The following MTA1 variants were observed in gnomAD, a reference collection of about 807,000 sequenced individuals.
MTA1 encodes the protein metastasis-associated protein MTA1.
Under a neutral mutation model 97.0 loss-of-function variants are expected in MTA1, and 15 were observed. The ratio of observed to expected loss-of-function variants is 0.15; its 90% CI spans 0.10 to 0.24. The LOEUF is 0.24. MTA1 is among the 10% of genes least tolerant of loss of function. The pLI is 1.00. For missense variants in MTA1, 709 were observed against 1,015.1 expected (o/e 0.70, Z 4.10); for synonymous variants, 435 against 417.5 (o/e 1.04, Z -0.51).
At chr14:105,448,339 T>C (rs587654027) in intron 3 of MTA1, among the ~76,000 whole-genome samples, 1 of 152,204 alleles carries the variant, frequency 6.6e-6, no homozygotes, top group South Asian at 2.1e-4. Flanking sequence ...CTCGCCCGCA[T>C]CTCCGACAGG....
chr14:105,468,073 G>T (rs1254137522), intron 18 of MTA1: 3 of 352,774 alleles, frequency 8.5e-6, no homozygotes, highest in Non-Finnish European at 1.7e-5. Context: ...GGACCTGGGC[G>T]CTGGAGAGGG....
chr14:105,438,844 C>A, intron 2 of MTA1, 105 bp downstream of exon 2: 3 of 1,156,716 alleles, frequency 2.6e-6, no homozygotes, highest in South Asian at 1.3e-5. Flanking sequence ...CGGGGCTGAT[C>A]TTGGACTGGC....
chr14:105,429,080 A>G (rs1555422828), intron 1 of MTA1, among the ~76,000 whole-genome samples: 2 of 152,130 alleles, frequency 1.3e-5, no homozygotes. Context: ...TCATGGGCCA[A>G]CTTCTGCTAG....
intron 7 of MTA1, among the ~76,000 whole-genome samples, chr14:105,457,056 G>A (rs1344068472): frequency 2.0e-5 from 3 of 152,226 alleles, no homozygotes; most frequent in Admixed American, 6.5e-5. Flanking sequence ...ACCTGCAGCC[G>A]GGCGCCCCAG....
intron 18 of MTA1, chr14:105,469,164 A>C (rs764861208): frequency 3.3e-6 from 2 of 602,946 alleles, no homozygotes; most frequent in Non-Finnish European, 6.2e-6. Context: ...ACGGCAGGCA[A>C]GTGGGTGGAC....
In MTA1 at chr14:105,469,949, G is replaced by A; in HGVS notation, c.1954G>A (p.Asp652Asn). The change falls in exon 20 of 21, where the codon GAC becomes AAC. Residue 652 changes from aspartate (D) to asparagine (N), a missense_variant. By Grantham distance (23) the Asp-to-Asn change is conservative. Around this residue, in one of 2 missense-constraint regions of MTA1, gnomAD observed 388 missense variants for 421.6 expected, o/e 0.92. Coordinates refer to ENST00000331320, the MANE Select transcript of MTA1 (RefSeq NM_004689.4). ...CAAGCGGCGGCGGATGAACTGGATC[G>A]ACGCCCCGGATGACGTGTTCTACAT... ...PVKRRRMNWI[D>N]APDDVFYMAT... 3 of 1,612,422 alleles carry A rather than the reference G, an allele frequency of 1.9e-6. No homozygotes were observed. The highest frequency in any genetic ancestry group is 2.5e-6 in the Non-Finnish European group (3 of 1,179,798).
At chr14:105,421,227 C>T (rs1555420837) in intron 1 of MTA1, among the ~76,000 whole-genome samples, 1 of 152,184 alleles carries the variant, frequency 6.6e-6, no homozygotes, top group Non-Finnish European at 1.5e-5. Context: ...CCAGCGGCAG[C>T]CCCTCCCACA....
At chr14:105,447,958 T>C (rs1251407677) in intron 3 of MTA1, among the ~76,000 whole-genome samples, 1 of 152,118 alleles carries the variant, frequency 6.6e-6, no homozygotes, top group Non-Finnish European at 1.5e-5. Context: ...CGTCACTGCC[T>C]CCACCCAGCC....
Position 105,460,749 on chromosome 14 carries a change from C to G in MTA1, c.754-16C>G. ...AGCCACCTTGGCCCGGGTGACCCTG[C>G]TGTCTCCTGCCGCAGTTCCACGCCA... On this transcript the variant is annotated splice_polypyrimidine_tract_variant and intron_variant, in intron 9 of 20. Transcript: ENST00000331320. 1.3e-6 allele frequency: 2 copies of G among 1,556,654 alleles called. No individual in the cohort carries two copies. The highest frequency in any genetic ancestry group is 2.3e-5 in the East Asian group (1 of 44,010).
chr14:105,454,499 C>G (rs1047799652), intron 7 of MTA1, 189 bp downstream of exon 7: 2 of 525,148 alleles, frequency 3.8e-6, no homozygotes, highest in Non-Finnish European at 7.1e-6. Context: ...CCTTCCCCCA[C>G]CCACTCCTGG....
chr14:105,430,136 G>A (rs1220426464), intron 1 of MTA1, among the ~76,000 whole-genome samples: 7 of 152,148 alleles, frequency 4.6e-5, no homozygotes, highest in South Asian at 2.1e-4. Flanking sequence ...CAGGCTTTCC[G>A]TTAGGGTATC....
At chr14:105,439,028 G>A (rs2082415682) in intron 2 of MTA1, among the ~76,000 whole-genome samples, 1 of 152,286 alleles carries the variant, frequency 6.6e-6, no homozygotes, top group South Asian at 2.1e-4. Flanking sequence ...AGATGCCAGT[G>A]TCCCCTGGGG....
intron 8 of MTA1, among the ~76,000 whole-genome samples, chr14:105,458,893 C>T (rs983902052): frequency 3.9e-5 from 6 of 152,208 alleles, no homozygotes; most frequent in African/African-American, 1.4e-4. Context: ...GTGCCGGGCC[C>T]TACTCCGCAG....
Position 105,464,269 on chromosome 14 carries a change from C to T in MTA1, c.1192+122C>T, listed in dbSNP as rs587737145. On this transcript the variant is annotated intron_variant, in intron 13 of 20. Transcript: ENST00000331320. ...AGGGGCCCACTGACGATGGGGGCTG[C>T]GTCCCAGGGGTGTGGTTGGGAGAGC... The T allele has an allele frequency of 1.0e-3, 1,359 of 1,324,504 alleles. 3 individuals are homozygous for T. The highest frequency in any genetic ancestry group is 1.3e-3 in the Non-Finnish European group (1,276 of 980,068). The allele number at this position is 1,324,504 out of a possible 1,614,324, so 82.0% of individuals were successfully genotyped here. A position where few individuals can be genotyped will look rare whatever the true frequency, so the allele number is the denominator to read the frequency against.
intron 7 of MTA1, among the ~76,000 whole-genome samples, chr14:105,456,197 G>A (rs2141621596): frequency 6.6e-6 from 1 of 152,376 alleles, no homozygotes; most frequent in African/African-American, 2.4e-5. Context: ...GCACCCAGGT[G>A]GAAAGGCAGA....
chr14:105,448,417 G>T (rs2082793288), intron 3 of MTA1, among the ~76,000 whole-genome samples: 4 of 152,180 alleles, frequency 2.6e-5, no homozygotes, highest in Admixed American at 2.6e-4. Context: ...GCCGCTGTGG[G>T]CTCCTGTCCA....
At chr14:105,457,952 TATAA>T (rs1286997609) in intron 7 of MTA1, among the ~76,000 whole-genome samples, 5 of 150,862 alleles carry the variant, frequency 3.3e-5, no homozygotes, top group Admixed American at 1.3e-4. Context: ...ATAATAATAA[TATAA>T]ATAAATAAAT....
rs587593916 is a variant in MTA1 at position 105,462,594 on chromosome 14, C to T, written c.943-590C>T. Among the ~76,000 whole-genome samples the T allele has an allele frequency of 9.9e-5, 15 of 150,786 alleles. No homozygotes were observed. The South Asian group carries it at 1.1e-3, about 11-fold the overall frequency. ...CAAAAACAAAAATGGCTGAGATGGC[C>T]GGGCATGGTGGCTTATGCCTATAAT... is the stretch of plus-strand genomic sequence containing the variant. On this transcript the variant is annotated intron_variant, in intron 10 of 20. Coordinates refer to ENST00000331320, the MANE Select transcript of MTA1 (RefSeq NM_004689.4).
chr14:105,467,627 C>T, intron 18 of MTA1: 1 of 379,352 alleles, frequency 2.6e-6, no homozygotes, highest in South Asian at 1.9e-5. Context: ...TTCCTCCCGA[C>T]ATCCCTTGGC....
Sources: allele counts gnomAD v4.1 joint callset (sites outside exome capture counted in the v4.1 genomes callset), GRCh38; gene constraint gnomAD v4.1.1; regional missense constraint gnomAD v4.1.1; transcripts MANE v1.5; gene names NCBI Gene and HGNC (gene_info 2026-07-23, HGNC 2026-07-21).